The following CCDC102B variants were observed in gnomAD, a reference collection of about 807,000 sequenced individuals.
CCDC102B encodes the protein coiled-coil domain containing 102B.
CCDC102B carries 75 observed loss-of-function variants against 57.4 expected under a neutral mutation model. The observed-to-expected ratio is 1.31, with a 90% CI of 1.08 to 1.58. The LOEUF (loss-of-function observed/expected upper bound fraction) is 1.58, where lower values mean the gene tolerates loss of function less well. Ranked by LOEUF, CCDC102B falls within the 40% of genes most tolerant of loss-of-function variation. CCDC102B has a pLI of 0.00. For missense variants in CCDC102B, 636 were observed against 582.6 expected, an observed-to-expected ratio of 1.09 and a Z score of -0.94; for synonymous variants, 206 against 201.9, an observed-to-expected ratio of 1.02 and a Z score of -0.17.
intron 6 of CCDC102B, among the ~76,000 whole-genome samples, chr18:68,986,791 G>A (rs938495668): frequency 1.3e-5 from 2 of 151,944 alleles, no homozygotes; most frequent in Non-Finnish European, 2.9e-5. Context: ...CAAGCTGACA[G>A]CCAAATCAAG....
chr18:68,841,155 C>G (rs1357325779), intron 3 of CCDC102B, among the ~76,000 whole-genome samples: 1 of 152,164 alleles, frequency 6.6e-6, no homozygotes, highest in Admixed American at 6.5e-5. Context: ...ATAAATCCAT[C>G]TAATCTTTTA....
At chr18:68,946,211 AT>A (rs779898348) in intron 6 of CCDC102B, among the ~76,000 whole-genome samples, 3 of 152,044 alleles carry the variant, frequency 2.0e-5, no homozygotes, top group Non-Finnish European at 4.4e-5. Flanking sequence ...TTCTGTACAA[AT>A]TATCTCCCAT....
In CCDC102B at chr18:68,866,663, C is replaced by A. The variant is rs74415217; in HGVS notation, c.937-8006C>A. On this transcript the variant is annotated intron_variant, in intron 4 of 7. Coordinates refer to ENST00000360242, the MANE Select transcript of CCDC102B (RefSeq NM_024781.3). ...TCTGGAATAAGAACATAGATTCAAA[C>A]CGCCCTTTATCTTGCCATAGCACTG... The A allele has an allele frequency of 5.5e-3, 2,077 of 380,530 alleles. 37 individuals are homozygous for A. The highest frequency in any genetic ancestry group is 0.041 in the African/African-American group (1,920 of 47,336). The allele number at this position is 380,530 out of a possible 1,614,324, so 23.6% of individuals were successfully genotyped here.
chr18:68,823,280 C>T (rs1308304484), intron 1 of CCDC102B: 1 of 152,238 alleles, frequency 6.6e-6, no homozygotes, highest in Non-Finnish European at 1.5e-5. Flanking sequence ...CTCGAGTCTG[C>T]TCCCTGTCTG....
At chr18:69,058,090 G>A (rs768108232), downstream of CCDC102B, among the ~76,000 whole-genome samples, 4 of 151,980 alleles carry the variant, frequency 2.6e-5, no homozygotes, top group Non-Finnish European at 5.9e-5. Flanking sequence ...GTGAGAACAG[G>A]TGGTATTTGG....
chr18:69,046,174 C>CA (rs1486870788), intron 7 of CCDC102B, among the ~76,000 whole-genome samples: 3 of 152,102 alleles, frequency 2.0e-5, no homozygotes, highest in South Asian at 4.1e-4. Context: ...GGAATCACCA[C>CA]ACTGCTTTCC....
At position 68,823,979 on chromosome 18, in the gene CCDC102B, A is replaced by G. The variant is rs79597193; in HGVS notation, c.-15-12770A>G. ...CCTTTGCTGGATGCGTAGTTTGTGAATAATTTTTTCCCATTTTGCCGGCTA... is the reference window on the plus strand; with the variant it reads ...CCTTTGCTGGATGCGTAGTTTGTGAGTAATTTTTTCCCATTTTGCCGGCTA... On this transcript the variant is annotated intron_variant, in intron 1 of 7. Transcript: ENST00000360242. 7.4e-3 allele frequency among the ~76,000 whole-genome samples: 1,060 copies of G among 142,882 alleles called. 8 individuals carry two copies. The highest frequency in any genetic ancestry group is 0.025 in the African/African-American group (957 of 38,220). 93.7% of individuals were successfully genotyped at this position (142,882 alleles called of 152,430 possible).
chr18:68,796,779 G>A (rs879362721), upstream of CCDC102B, among the ~76,000 whole-genome samples: 1 of 150,060 alleles, frequency 6.7e-6, no homozygotes, highest in Non-Finnish European at 1.5e-5. Flanking sequence ...CTGTGTAGAT[G>A]TCAACTAGAA....
rs1432681743 is a variant in CCDC102B, at chr18:68,867,236, C to G, written c.937-7433C>G. On this transcript the variant is annotated intron_variant, in intron 4 of 7. Coordinates refer to ENST00000360242, the MANE Select transcript of CCDC102B (RefSeq NM_024781.3). ...CGATTGCCTGACCTCGTGATCCGCCCGTCTCGGCCTCCCGAAGTGCTGGGA... is the reference window on the plus strand; with the variant it reads ...CGATTGCCTGACCTCGTGATCCGCCGGTCTCGGCCTCCCGAAGTGCTGGGA... Among the ~76,000 whole-genome samples, 5 of 152,182 alleles carry G rather than the reference C, an allele frequency of 3.3e-5. No individual in the cohort carries two copies. The South Asian group carries it at 1.0e-3, about 31-fold the overall frequency.
chr18:68,908,801 C>A (rs73967740), intron 6 of CCDC102B, among the ~76,000 whole-genome samples: 4 of 151,874 alleles, frequency 2.6e-5, no homozygotes, highest in African/African-American at 9.7e-5. Context: ...GGATAATATA[C>A]GTGTGTACAT....
intron 6 of CCDC102B, among the ~76,000 whole-genome samples, chr18:68,911,746 C>G (rs555180292): frequency 3.0e-5 from 1 of 32,812 alleles, no homozygotes; most frequent in Non-Finnish European, 5.7e-5. Context: ...AGCGAGACTC[C>G]GTCTCAAAAA....
intron 2 of CCDC102B, among the ~76,000 whole-genome samples, chr18:68,744,907 G>A (rs933119292): frequency 1.3e-4 from 20 of 152,212 alleles, no homozygotes; most frequent in African/African-American, 4.8e-4. Flanking sequence ...CACTGGGGAT[G>A]CAATCCAGTC....
intron 2 of CCDC102B, among the ~76,000 whole-genome samples, chr18:68,751,442 T>A (rs1728804823): frequency 6.6e-6 from 1 of 152,032 alleles, no homozygotes; most frequent in Admixed American, 6.6e-5. Context: ...GCACTATGCT[T>A]GGGGGCCGCT....
intron 1 of CCDC102B, among the ~76,000 whole-genome samples, chr18:68,831,113 C>T (rs2037125089): frequency 6.6e-6 from 1 of 151,938 alleles, no homozygotes; most frequent in African/African-American, 2.4e-5. Context: ...ACAGCAATGA[C>T]ATCAAGATAC....
At chr18:68,728,118 C>G (rs1599376577) in intron 2 of CCDC102B, among the ~76,000 whole-genome samples, 2 of 152,144 alleles carry the variant, frequency 1.3e-5, no homozygotes, top group East Asian at 3.9e-4. Flanking sequence ...AGTGGACATT[C>G]TGGAGGTCAA....
At chr18:68,740,552 A>T (rs1385351944) in intron 2 of CCDC102B, among the ~76,000 whole-genome samples, 2 of 152,190 alleles carry the variant, frequency 1.3e-5, no homozygotes, top group African/African-American at 2.4e-5. Context: ...TTGACATATG[A>T]TGGAATAGGG....
intron 6 of CCDC102B, among the ~76,000 whole-genome samples, chr18:68,945,300 A>T (rs565801197): frequency 6.6e-6 from 1 of 152,142 alleles, no homozygotes; most frequent in Admixed American, 6.6e-5. Flanking sequence ...GCTAAATAGT[A>T]TCAATGAATC....
At chr18:68,980,842 G>A (rs1190489847) in intron 6 of CCDC102B, among the ~76,000 whole-genome samples, 1 of 152,070 alleles carries the variant, frequency 6.6e-6, no homozygotes, top group Non-Finnish European at 1.5e-5. Flanking sequence ...GGAACGTGTA[G>A]GACATCGTAT....
intron 5 of CCDC102B, among the ~76,000 whole-genome samples, chr18:68,888,889 C>T (rs2039977852): frequency 6.6e-6 from 1 of 152,072 alleles, no homozygotes; most frequent in African/African-American, 2.4e-5. Context: ...ATTGTTTTCT[C>T]CAGAAACCCT....
Sources: allele counts gnomAD v4.1 joint callset (sites outside exome capture counted in the v4.1 genomes callset), GRCh38; gene constraint gnomAD v4.1.1; transcripts MANE v1.5; gene names NCBI Gene and HGNC (gene_info 2026-07-23, HGNC 2026-07-21).